Variants in CDKN2B-AS1 observed in about 807,000 individuals in gnomAD.
The protein encoded by CDKN2B-AS1 is CDKN2B and CDKN2A antisense cis and trans regulatory RNA 1.
At chr9:22,099,476 C>T (rs1161277274) in intron 4 of CDKN2B-AS1, among the ~76,000 whole-genome samples, 1 of 152,114 alleles carries the variant, frequency 6.6e-6, no homozygotes, top group African/African-American at 2.4e-5. Context: ...TACATATTTT[C>T]TTGTTTTTAG....
At chr9:22,008,886 G>T in intron 1 of CDKN2B-AS1, 1 of 1,612,524 alleles carries the variant, frequency 6.2e-7, no homozygotes. Context: ...TAGTCCCCGC[G>T]CCGCGGCGCT....
intron 4 of CDKN2B-AS1, among the ~76,000 whole-genome samples, chr9:22,110,290 C>T (rs1218951822): frequency 6.6e-6 from 1 of 152,114 alleles, no homozygotes; most frequent in Non-Finnish European, 1.5e-5. Flanking sequence ...TGTTATTTAA[C>T]CAGGTAGAAT....
intron 4 of CDKN2B-AS1, chr9:22,117,510 G>A (rs1825982211): frequency 6.6e-6 from 1 of 152,236 alleles, no homozygotes. Context: ...TCATTTGGAA[G>A]CTCGTGGGAG....
intron 1 of CDKN2B-AS1, among the ~76,000 whole-genome samples, chr9:22,031,291 C>A (rs1822459299): frequency 6.6e-6 from 1 of 152,118 alleles, no homozygotes; most frequent in South Asian, 2.1e-4. Flanking sequence ...ACCTACAGTC[C>A]ATATACCACC....
intron 1 of CDKN2B-AS1, among the ~76,000 whole-genome samples, chr9:22,013,003 A>G (rs1821578564): frequency 6.6e-6 from 1 of 152,150 alleles, no homozygotes; most frequent in Non-Finnish European, 1.5e-5. Flanking sequence ...ACAAATATTT[A>G]TTTTCTCAGA....
At chr9:22,096,863 C>G (rs1825294178) in intron 4 of CDKN2B-AS1, among the ~76,000 whole-genome samples, 1 of 152,166 alleles carries the variant, frequency 6.6e-6, no homozygotes, top group African/African-American at 2.4e-5. Flanking sequence ...CAGGCATCAT[C>G]TGCTTGCCTT....
chr9:22,126,455 G>A (rs12345199), intron 4 of CDKN2B-AS1, among the ~76,000 whole-genome samples: 107 of 152,070 alleles, frequency 7.0e-4, no homozygotes, highest in African/African-American at 2.5e-3. Flanking sequence ...ATATACAAGG[G>A]GAAATGCATT....
chr9:22,026,607 G>A (rs988607269), intron 1 of CDKN2B-AS1, among the ~76,000 whole-genome samples: 1 of 152,184 alleles, frequency 6.6e-6, no homozygotes, highest in Non-Finnish European at 1.5e-5. Context: ...TGTGGAAGTG[G>A]GGCCTGTAGA....
At chr9:22,075,954 T>C (rs1824474628) in intron 4 of CDKN2B-AS1, among the ~76,000 whole-genome samples, 1 of 152,208 alleles carries the variant, frequency 6.6e-6, no homozygotes, top group South Asian at 2.1e-4. Context: ...GAAGCAGTGG[T>C]GATCTTGCTC....
chr9:22,127,474 C>T (rs1818035619), exon 5 of CDKN2B-AS1, among the ~76,000 whole-genome samples: 2 of 152,206 alleles, frequency 1.3e-5, no homozygotes, highest in Non-Finnish European at 2.9e-5. Flanking sequence ...GCTTCCCTTT[C>T]TCACAGCTGG....
Position 22,085,445 on chromosome 9 carries a change from C to T in CDKN2B-AS1, n.438+29058C>T, listed in dbSNP as rs180926897. On this transcript the variant is annotated intron_variant and non_coding_transcript_variant, in intron 4 of 4. Coordinates refer to ENST00000650946, the Ensembl canonical transcript of CDKN2B-AS1. ...TATAAAAGTTCCCTCTCTGGCCGGG[C>T]GCGGTGGCTCACGCCTGTAATTCCC... 5.0e-3 allele frequency among the ~76,000 whole-genome samples: 758 copies of T among 152,290 alleles called. 1 individual carries two copies. The highest frequency in any genetic ancestry group is 8.2e-3 in the Non-Finnish European group (561 of 68,022).
chr9:22,007,462 G>A (rs62556545), intron 1 of CDKN2B-AS1, among the ~76,000 whole-genome samples: 171 of 152,314 alleles, frequency 1.1e-3, no homozygotes, highest in Non-Finnish European at 2.0e-3. Context: ...GAGTAATCCT[G>A]TAGCAGCCAT....
intron 4 of CDKN2B-AS1, among the ~76,000 whole-genome samples, chr9:22,123,449 G>T (rs1445740732): frequency 1.3e-5 from 2 of 152,136 alleles, no homozygotes; most frequent in African/African-American, 4.8e-5. Flanking sequence ...GGAAATGCTA[G>T]TGTAGCTGAG....
chr9:21,995,871 T>A lies in CDKN2B-AS1; in HGVS notation n.29+710T>A, dbSNP rs1293516684. The stretch of plus-strand genomic sequence containing the variant: ...CGGTGCCCCGACCCGGAGCCTGCGG[T>A]CTGCCTGGATCCGTCCTAAACCTCG... On this transcript the variant is annotated intron_variant and non_coding_transcript_variant, in intron 1 of 4. Coordinates refer to ENST00000650946, the Ensembl canonical transcript of CDKN2B-AS1. This position sits in a 1 kb window ranked among gnomAD's most constrained non-coding sequence, Gnocchi z 5.7. 1 of 152,222 alleles carries A rather than the reference T, an allele frequency of 6.6e-6. No homozygotes were observed. The highest frequency in any genetic ancestry group is 1.5e-5 in the Non-Finnish European group (1 of 68,066). 9.4% of individuals were successfully genotyped at this position (152,222 alleles called of 1,614,324 possible). A position where few individuals can be genotyped will look rare whatever the true frequency, so the allele number is the denominator to read the frequency against.
chr9:22,045,841 A>T (rs973153363), intron 1 of CDKN2B-AS1, among the ~76,000 whole-genome samples: 9 of 152,278 alleles, frequency 5.9e-5, no homozygotes, highest in South Asian at 2.1e-4. Context: ...TTGTGGTCCA[A>T]GCTCTTCAAA....
chr9:22,073,698 C>T (rs775433709), intron 4 of CDKN2B-AS1, among the ~76,000 whole-genome samples: 32 of 151,982 alleles, frequency 2.1e-4, no homozygotes, highest in Admixed American at 5.9e-4. Flanking sequence ...TGCCTAAATC[C>T]CTATGGATAA....
chr9:22,023,004 C>G (rs926060744), intron 1 of CDKN2B-AS1, among the ~76,000 whole-genome samples: 1 of 152,158 alleles, frequency 6.6e-6, no homozygotes, highest in South Asian at 2.1e-4. Context: ...TGTTGTTAGT[C>G]TGATGGGGTT....
chr9:22,094,214 T>A (rs891733895), intron 4 of CDKN2B-AS1, among the ~76,000 whole-genome samples: 1 of 144,074 alleles, frequency 6.9e-6, no homozygotes, highest in Non-Finnish European at 1.5e-5. Flanking sequence ...CTTCCCTTTG[T>A]GGGTAACCCG....
At chr9:22,034,150 T>C (rs2131252142) in intron 1 of CDKN2B-AS1, among the ~76,000 whole-genome samples, 1 of 152,234 alleles carries the variant, frequency 6.6e-6, no homozygotes, top group East Asian at 1.9e-4. Flanking sequence ...TAAGAGAAGG[T>C]TCTTCTTTGT....
Sources: gnomAD v4.1 joint callset for allele counts (sites outside exome capture counted in the v4.1 genomes callset) on GRCh38, gnomAD v4.1.1 for gene constraint, Gnocchi (gnomAD v3.1) non-coding constraint, MANE v1.5 for transcripts, NCBI Gene and HGNC (gene_info 2026-07-23, HGNC 2026-07-21) for gene names.